The following TUT7 variants were observed in gnomAD, a reference collection of about 807,000 sequenced individuals.
TUT7 encodes the protein terminal uridylyltransferase 7.
A neutral mutation model predicts 165.9 loss-of-function variants in TUT7; 33 were observed. The observed-to-expected ratio is 0.20, with a 90% CI of 0.15 to 0.27. The LOEUF (loss-of-function observed/expected upper bound fraction) is 0.27, where lower values mean the gene tolerates loss of function less well. Ranked by LOEUF, TUT7 falls within the 10% of genes least tolerant of loss-of-function variation. The pLI is 1.00. For synonymous variants in TUT7, 552 were observed against 608.1 expected (o/e 0.91, Z 1.36); for missense variants, 1,338 against 1,762.3 (o/e 0.76, Z 4.31).
At chr9:86,345,311 C>T (rs1831659310) in intron 4 of TUT7, among the ~76,000 whole-genome samples, 157 bp from the exon 5 acceptor site, 2 of 152,148 alleles carry the variant, frequency 1.3e-5, no homozygotes, top group Admixed American at 6.5e-5. Context: ...ATACATACTT[C>T]CTTATGCACA....
intron 26 of TUT7, among the ~76,000 whole-genome samples, chr9:86,289,177 A>G (rs1825733529): frequency 6.6e-6 from 1 of 152,218 alleles, no homozygotes; most frequent in Non-Finnish European, 1.5e-5. Flanking sequence ...TTGTAGCAAT[A>G]ACTTATTGAT....
chr9:86,294,410 T>C (rs1323605400), intron 26 of TUT7, among the ~76,000 whole-genome samples: 2 of 152,146 alleles, frequency 1.3e-5, no homozygotes, highest in Admixed American at 1.3e-4. Context: ...GGATGATCAT[T>C]ACAAATAATT....
At position 86,346,490 on chromosome 9, in the gene TUT7, G is replaced by C; in HGVS notation, c.521-10C>G. Reference sequence around the variant, plus strand: ...CTCTGCTTCTTGTTTTCTTAAGGTGGGGGAAAAATATTATTGGCAATATTA... The same window carrying C: ...CTCTGCTTCTTGTTTTCTTAAGGTGCGGGAAAAATATTATTGGCAATATTA... On this transcript the variant is annotated splice_polypyrimidine_tract_variant and intron_variant, in intron 2 of 26. Coordinates refer to ENST00000375963, the MANE Select transcript of TUT7 (RefSeq NM_024617.4). 6.2e-7 allele frequency: 1 copy of C among 1,609,054 alleles called. No homozygotes were observed. The highest frequency in any genetic ancestry group is 1.1e-5 in the South Asian group (1 of 90,256).
chr9:86,326,646 C>T (rs564217799), intron 11 of TUT7, among the ~76,000 whole-genome samples: 1 of 152,270 alleles, frequency 6.6e-6, no homozygotes, highest in South Asian at 2.1e-4. Context: ...CTGTAAGATG[C>T]TCTTAAGAGG....
chr9:86,324,035 C>G, intron 12 of TUT7, 75 bp from the exon 13 acceptor site: 1 of 1,224,838 alleles, frequency 8.2e-7, no homozygotes, highest in Non-Finnish European at 1.1e-6. Context: ...AAAAATTAGC[C>G]TGCTGCAGAT....
chr9:86,335,783 C>T (rs1355573596), intron 10 of TUT7, among the ~76,000 whole-genome samples: 1 of 152,142 alleles, frequency 6.6e-6, no homozygotes, highest in Non-Finnish European at 1.5e-5. Flanking sequence ...AAATGCTGAA[C>T]ACCGCAGGAT....
In TUT7 at chr9:86,345,691, T is replaced by C; in HGVS notation, c.797A>G (p.Lys266Arg). The C allele has an allele frequency of 6.2e-7, 1 of 1,612,298 alleles. No individual in the cohort carries two copies. The highest frequency in any genetic ancestry group is 8.5e-7 in the Non-Finnish European group (1 of 1,178,724). ...TACCTTAATGTTTTTCTTGTGCCTC[T>C]TTTCCTTGATATGCTTATGGGCAAA... ...IAFAHKHIKE[K>R]RHKKNIKEKQ... The change falls in exon 4 of 27, where the codon AAG becomes AGG. Residue 266 changes from lysine (K) to arginine (R), a missense_variant. Around this residue, in one of 7 missense-constraint regions of TUT7, gnomAD observed 434 missense variants for 480.8 expected, o/e 0.90. Coordinates refer to ENST00000375963, the MANE Select transcript of TUT7 (RefSeq NM_024617.4).
intron 22 of TUT7, among the ~76,000 whole-genome samples, 172 bp from the exon 23 acceptor site, chr9:86,305,411 C>G (rs1235439020): frequency 6.6e-6 from 1 of 152,078 alleles, no homozygotes; most frequent in African/African-American, 2.4e-5. Context: ...TAAAATGACA[C>G]CTGTTAAATG....
rs1297487272 is a variant in TUT7, at chr9:86,323,678, T to C, written c.2072A>G (p.Lys691Arg). 1 of 1,614,104 alleles carries C rather than the reference T, an allele frequency of 6.2e-7. No individual in the cohort carries two copies. The highest frequency in any genetic ancestry group is 8.5e-7 in the Non-Finnish European group (1 of 1,180,014). Reference sequence around the variant, plus strand: ...CTCTTTAAGAGTAAGTGGCTGTACCTTACAGGTATTTGCAGCTGAACTGGT... The same window carrying C: ...CTCTTTAAGAGTAAGTGGCTGTACCCTACAGGTATTTGCAGCTGAACTGGT... ...GATSSAANTCKVQPLTLKETA... is the reference protein window; with the variant it reads ...GATSSAANTCRVQPLTLKETA... The change falls in exon 13 of 27, where the codon AAG becomes AGG. Residue 691 changes from lysine (K) to arginine (R), a missense_variant. By Grantham distance (26) the Lys-to-Arg change is conservative. Coordinates refer to ENST00000375963, the MANE Select transcript of TUT7 (RefSeq NM_024617.4).
At chr9:86,327,191 G>T (rs79659147) in intron 11 of TUT7, among the ~76,000 whole-genome samples, 1 of 152,096 alleles carries the variant, frequency 6.6e-6, no homozygotes, top group African/African-American at 2.4e-5. Flanking sequence ...TATCCATAGC[G>T]GCATTACAAA....
intron 9 of TUT7, among the ~76,000 whole-genome samples, chr9:86,338,359 G>A (rs1262719225): frequency 6.6e-6 from 1 of 151,772 alleles, no homozygotes; most frequent in African/African-American, 2.4e-5. Context: ...TCACATTTTG[G>A]GGGAACGTTA....
intron 2 of TUT7, 175 bp downstream of exon 2, chr9:86,352,505 G>T: frequency 2.6e-6 from 2 of 762,668 alleles, no homozygotes; most frequent in Non-Finnish European, 2.1e-6. Context: ...TGTTTTAGCT[G>T]CTCAAATATC....
intron 6 of TUT7, among the ~76,000 whole-genome samples, 184 bp downstream of exon 6, chr9:86,342,891 C>G (rs1588003093): frequency 1.3e-5 from 2 of 151,644 alleles, no homozygotes; most frequent in South Asian, 4.2e-4. Context: ...GATCTATAGA[C>G]TAAAATAAGT....
rs550958483 is a variant in TUT7 at position 86,312,277 on chromosome 9, G to A, written c.3275-1468C>T. ...GGGAGCGCCTCTGCTCTGCCGCCCC[G>A]TCCGGGATGTGAGGAGCGTCTCTGC... On this transcript the variant is annotated intron_variant, in intron 17 of 26. Coordinates refer to ENST00000375963, the MANE Select transcript of TUT7 (RefSeq NM_024617.4). Among the ~76,000 whole-genome samples the A allele has an allele frequency of 5.5e-4, 83 of 150,534 alleles. 1 individual carries two copies. The highest frequency in any genetic ancestry group is 8.3e-4 in the Non-Finnish European group (56 of 67,700).
At chr9:86,290,032 C>CA (rs1825791803) in intron 26 of TUT7, among the ~76,000 whole-genome samples, 1 of 151,934 alleles carries the variant, frequency 6.6e-6, no homozygotes, top group Non-Finnish European at 1.5e-5. Context: ...TATACCCCAC[C>CA]AATCATGTAT....
intron 14 of TUT7, among the ~76,000 whole-genome samples, chr9:86,321,369 AT>A (rs912562645): frequency 5.3e-5 from 8 of 151,104 alleles, no homozygotes; most frequent in South Asian, 4.2e-4. Context: ...AAAAAAAAAA[AT>A]TTTTTTTCTT....
chr9:86,342,994 A>C, intron 6 of TUT7, 81 bp downstream of exon 6: 1 of 950,140 alleles, frequency 1.1e-6, no homozygotes, highest in Non-Finnish European at 1.6e-6. Flanking sequence ...AATATCTAAA[A>C]TATATTCATA....
At chr9:86,312,400 GA>G (rs1427110436) in intron 17 of TUT7, among the ~76,000 whole-genome samples, 1 of 151,968 alleles carries the variant, frequency 6.6e-6, no homozygotes, top group African/African-American at 2.4e-5. Context: ...CCCCGTCTGA[GA>G]AGTGAGGAGC....
intron 10 of TUT7, among the ~76,000 whole-genome samples, chr9:86,333,893 A>C (rs1830539761): frequency 1.3e-5 from 2 of 152,150 alleles, no homozygotes; most frequent in African/African-American, 4.8e-5. Context: ...CGTAGCTGAA[A>C]ATTCCTCTGG....
Sources: allele counts gnomAD v4.1 joint callset (sites outside exome capture counted in the v4.1 genomes callset), GRCh38; gene constraint gnomAD v4.1.1; regional missense constraint gnomAD v4.1.1; transcripts MANE v1.5; gene names NCBI Gene and HGNC (gene_info 2026-07-23, HGNC 2026-07-21).